The following ULK2 variants were observed in gnomAD, a reference collection of about 807,000 sequenced individuals.
ULK2 encodes unc-51 like autophagy activating kinase 2.
ULK2 carries 76 observed loss-of-function variants against 127.5 expected under a neutral mutation model. The observed-to-expected ratio is 0.60, with a 90% CI of 0.50 to 0.72. The LOEUF is 0.72. Ranked by LOEUF, ULK2 falls within the 30% of genes least tolerant of loss-of-function variation. ULK2 has a pLI of 0.00. For missense variants in ULK2, 1,144 were observed against 1,295.9 expected (o/e 0.88, Z 1.80); for synonymous variants, 452 against 461.9 (o/e 0.98, Z 0.28).
chr17:19,813,023 T>C (rs1027599588), intron 13 of ULK2, among the ~76,000 whole-genome samples: 3 of 152,178 alleles, frequency 2.0e-5, no homozygotes, highest in African/African-American at 4.8e-5. Flanking sequence ...ATAAAAAGAT[T>C]AGTGGAAAAG....
chr17:19,788,726 T>C (rs970827202), intron 20 of ULK2, among the ~76,000 whole-genome samples: 13 of 152,208 alleles, frequency 8.5e-5, no homozygotes, highest in Middle Eastern at 3.4e-3. Flanking sequence ...AGGGTGGGTC[T>C]TAGGCCTAGC....
At chr17:19,783,167 A>C (rs966505791) in intron 22 of ULK2, among the ~76,000 whole-genome samples, 5 of 152,094 alleles carry the variant, frequency 3.3e-5, no homozygotes, top group African/African-American at 1.2e-4. Flanking sequence ...TGGAACATGC[A>C]ATAGAATGTA....
intron 13 of ULK2, chr17:19,811,277 G>A (rs2087633649): frequency 6.6e-6 from 1 of 152,034 alleles, no homozygotes; most frequent in South Asian, 2.1e-4. Context: ...TTTACTAAGT[G>A]TACTTCCTTT....
chr17:19,823,091 G>C (rs2041200166), intron 12 of ULK2, among the ~76,000 whole-genome samples: 1 of 144,078 alleles, frequency 6.9e-6, no homozygotes, highest in South Asian at 2.2e-4. Flanking sequence ...CTCCCTTACA[G>C]CTGAGTCTAC....
At chr17:19,839,964 T>TAA (rs924482997) in intron 9 of ULK2, among the ~76,000 whole-genome samples, 1 of 147,594 alleles carries the variant, frequency 6.8e-6, no homozygotes, top group African/African-American at 2.5e-5. Flanking sequence ...TACACACACA[T>TAA]ACACACACAC....
intron 15 of ULK2, 78 bp from the exon 16 acceptor site, chr17:19,802,000 A>G: frequency 6.7e-7 from 1 of 1,481,920 alleles, no homozygotes; most frequent in Non-Finnish European, 9.0e-7. Context: ...ACTTCCTAAC[A>G]ATATGCCACG....
At chr17:19,866,345 C>CAAA (rs557559781) in intron 1 of ULK2, among the ~76,000 whole-genome samples, 1 of 139,568 alleles carries the variant, frequency 7.2e-6, no homozygotes, top group African/African-American at 2.6e-5. Flanking sequence ...ACTAAAAATA[C>CAAA]AAAAAAAAAA....
intron 13 of ULK2, among the ~76,000 whole-genome samples, chr17:19,813,520 A>G (rs747569768): frequency 2.6e-5 from 4 of 152,238 alleles, no homozygotes; most frequent in Non-Finnish European, 5.9e-5. Context: ...TTTAAACTGT[A>G]TAACTGTTTT....
At chr17:19,827,829 G>A (rs1286624520) in intron 10 of ULK2, among the ~76,000 whole-genome samples, 1 of 151,840 alleles carries the variant, frequency 6.6e-6, no homozygotes, top group Non-Finnish European at 1.5e-5. Context: ...GGAATCGCTT[G>A]AACCCGGAAG....
intron 9 of ULK2, chr17:19,840,467 A>T: frequency 2.1e-6 from 1 of 465,608 alleles, no homozygotes; most frequent in South Asian, 1.8e-5. Context: ...GAAAAGAAAA[A>T]CTTATCCGGG....
chr17:19,798,426 C>G (rs1355467162), intron 17 of ULK2, among the ~76,000 whole-genome samples: 1 of 152,132 alleles, frequency 6.6e-6, no homozygotes, highest in Non-Finnish European at 1.5e-5. Context: ...GTCCACTAAT[C>G]CTTGACTCCA....
chr17:19,786,398 C>T (rs964927771), intron 20 of ULK2, among the ~76,000 whole-genome samples: 3 of 151,984 alleles, frequency 2.0e-5, no homozygotes, highest in Admixed American at 6.6e-5. Context: ...AAAAAATGAA[C>T]GCCAAGAACT....
intron 3 of ULK2, chr17:19,855,706 ACT>A (rs2152401157): frequency 6.6e-6 from 1 of 152,138 alleles, no homozygotes; most frequent in East Asian, 1.9e-4. Flanking sequence ...AGAGCTATCA[ACT>A]CTGATTCCCT....
chr17:19,798,860 T>C (rs1210915269), intron 17 of ULK2, among the ~76,000 whole-genome samples: 1 of 152,188 alleles, frequency 6.6e-6, no homozygotes, highest in Admixed American at 6.5e-5. Flanking sequence ...CTCATGGCTC[T>C]TACCAAAAAT....
rs920084982 is a variant in ULK2 at position 19,774,575 on chromosome 17, C to A, written c.*1774G>T. 1.3e-5 allele frequency: 2 copies of A among 152,110 alleles called. No homozygotes were observed. The highest frequency in any genetic ancestry group is 4.8e-5 in the African/African-American group (2 of 41,414). The allele number at this position is 152,110 out of a possible 1,614,324, so 9.4% of individuals were successfully genotyped here. On this transcript the variant is annotated 3_prime_UTR_variant, in exon 27 of 27. Coordinates refer to ENST00000395544, the MANE Select transcript of ULK2 (RefSeq NM_014683.4). ...ATATAAAATAAAGTATCACTAATAA[C>A]AAATAGGGTTGTGGAGGTAAAACAG...
Position 19,867,532 on chromosome 17 carries a change from C to T in ULK2, c.-115G>A, listed in dbSNP as rs2042381815. On this transcript the variant is annotated 5_prime_UTR_variant, in exon 1 of 27. Coordinates refer to ENST00000395544, the MANE Select transcript of ULK2 (RefSeq NM_014683.4). ...CAGCGTGCGGCGGGTCTGGGGCAGCCGCAGCCCCGGGCCCGGGCGGACTCT... is the reference window on the plus strand; with the variant it reads ...CAGCGTGCGGCGGGTCTGGGGCAGCTGCAGCCCCGGGCCCGGGCGGACTCT... 1 of 609,538 alleles carries T rather than the reference C, an allele frequency of 1.6e-6. No homozygotes were observed. Among genetic ancestry groups the T allele is most frequent in the African/African-American group, 2.0e-5 (1 of 50,778 alleles). 37.8% of individuals were successfully genotyped at this position (609,538 alleles called of 1,614,324 possible).
intron 14 of ULK2, 113 bp downstream of exon 14, chr17:19,810,250 AAAAAAAACCAGAAAT>A: frequency 4.2e-6 from 2 of 476,560 alleles, no homozygotes; most frequent in South Asian, 3.7e-5. Context: ...AAAAAAAAAA[AAAAAAAACCAGAAAT>A]AATGGACTGT....
At chr17:19,861,714 G>T (rs1333893631) in intron 3 of ULK2, among the ~76,000 whole-genome samples, 1 of 152,218 alleles carries the variant, frequency 6.6e-6, no homozygotes, top group Non-Finnish European at 1.5e-5. Flanking sequence ...TATCTACAGA[G>T]ACTAAGACAA....
chr17:19,822,274 T>G (rs1417022021), intron 12 of ULK2, among the ~76,000 whole-genome samples: 1 of 152,026 alleles, frequency 6.6e-6, no homozygotes, highest in Non-Finnish European at 1.5e-5. Context: ...CGTGAGCCAC[T>G]GAGCCTGGCC....
Sources: gnomAD v4.1 joint callset for allele counts (sites outside exome capture counted in the v4.1 genomes callset) on GRCh38, gnomAD v4.1.1 for gene constraint, MANE v1.5 for transcripts, NCBI Gene and HGNC (gene_info 2026-07-23, HGNC 2026-07-21) for gene names.